OPN5: variants seen among roughly 807,000 people sequenced by gnomAD.
OPN5 encodes opsin-5.
Under a neutral mutation model 41.7 loss-of-function variants are expected in OPN5, and 18 were observed. That is an observed-to-expected ratio of 0.43 (90% CI 0.30 to 0.64). The LOEUF (loss-of-function observed/expected upper bound fraction) is 0.64. Among genes scored for constraint, OPN5 ranks in the 30% least tolerant of loss-of-function variants. OPN5 has a pLI of 0.13. For synonymous variants in OPN5, 178 were observed against 164.3 expected (o/e 1.08, Z -0.64); for missense variants, 318 against 434.5 (o/e 0.73, Z 2.38).
At chr6:47,812,869 A>G (rs1762295648) in intron 6 of OPN5, among the ~76,000 whole-genome samples, 2 of 152,144 alleles carry the variant, frequency 1.3e-5, no homozygotes, top group Non-Finnish European at 2.9e-5. Context: ...CACACCATTG[A>G]TAATCTCTCC....
intron 2 of OPN5, among the ~76,000 whole-genome samples, chr6:47,789,088 C>T (rs1210223734): frequency 6.6e-6 from 1 of 152,076 alleles, no homozygotes; most frequent in East Asian, 1.9e-4. Flanking sequence ...CCAGGCACAA[C>T]AGATGTAATC....
chr6:47,800,125 T>C (rs1458140902), intron 4 of OPN5, among the ~76,000 whole-genome samples: 1 of 152,188 alleles, frequency 6.6e-6, no homozygotes, highest in Non-Finnish European at 1.5e-5. Context: ...ATAAGGGGAA[T>C]GGTAGAGTCA....
chr6:47,786,356 G>C (rs1773191585), intron 1 of OPN5, among the ~76,000 whole-genome samples, 159 bp from the exon 2 acceptor site: 1 of 152,110 alleles, frequency 6.6e-6, no homozygotes, highest in Admixed American at 6.6e-5. Flanking sequence ...CACAACTCAT[G>C]CTTTTTATTT....
intron 4 of OPN5, among the ~76,000 whole-genome samples, chr6:47,804,209 A>G (rs1381316930): frequency 6.6e-6 from 1 of 152,156 alleles, no homozygotes; most frequent in Non-Finnish European, 1.5e-5. Context: ...GAAGCTAAAC[A>G]TGTACCCTGT....
chr6:47,809,775 T>C (rs1051288862), intron 5 of OPN5, among the ~76,000 whole-genome samples: 1 of 152,236 alleles, frequency 6.6e-6, no homozygotes, highest in African/African-American at 2.4e-5. Flanking sequence ...AAAAAGCATC[T>C]CTTTCTGAAG....
intron 4 of OPN5, among the ~76,000 whole-genome samples, chr6:47,795,774 TCTCTCACACACA>T (rs1773542191): frequency 1.8e-5 from 2 of 109,738 alleles, no homozygotes; most frequent in Admixed American, 1.2e-4. Flanking sequence ...TCTCTCTCTC[TCTCTCACACACA>T]CACACACACA....
intron 2 of OPN5, 118 bp downstream of exon 2, chr6:47,786,752 C>T (rs1037400689): frequency 1.3e-5 from 11 of 860,086 alleles, no homozygotes; most frequent in South Asian, 2.0e-5. Context: ...TTCCACTCTT[C>T]GCTTCACAAA....
intron 6 of OPN5, among the ~76,000 whole-genome samples, chr6:47,814,432 G>GA (rs1014394857): frequency 1.3e-5 from 2 of 151,788 alleles, no homozygotes; most frequent in African/African-American, 4.8e-5. Context: ...TAGTGAAAAG[G>GA]AAAAAAAGAG....
At chr6:47,798,101 A>G (rs899726782) in intron 4 of OPN5, among the ~76,000 whole-genome samples, 44 of 152,238 alleles carry the variant, frequency 2.9e-4, no homozygotes, top group African/African-American at 1.1e-3. Context: ...TAATTTTGTT[A>G]TGTATATTCT....
At chr6:47,820,262 C>T (rs1216348880) in intron 6 of OPN5, among the ~76,000 whole-genome samples, 1 of 152,072 alleles carries the variant, frequency 6.6e-6, no homozygotes, top group Non-Finnish European at 1.5e-5. Context: ...TTTTAACAGC[C>T]TTAGGGGTTA....
At chr6:47,782,430 C>G (rs900495876) in intron 1 of OPN5, among the ~76,000 whole-genome samples, 6 of 152,138 alleles carry the variant, frequency 3.9e-5, no homozygotes, top group African/African-American at 1.2e-4. Flanking sequence ...AGAACTCTTA[C>G]AGCAAAATTA....
intron 2 of OPN5, among the ~76,000 whole-genome samples, chr6:47,791,414 A>C (rs1018320556): frequency 1.3e-5 from 2 of 152,196 alleles, no homozygotes; most frequent in Non-Finnish European, 2.9e-5. Flanking sequence ...CCTTTCTCTA[A>C]GCCTTCGAAT....
At chr6:47,811,607 T>C (rs1313918741) in intron 5 of OPN5, 67 bp from the exon 6 acceptor site, 3 of 963,028 alleles carry the variant, frequency 3.1e-6, no homozygotes, top group Non-Finnish European at 5.0e-6. Context: ...TGTATGTATA[T>C]GTACATATGT....
intron 5 of OPN5, among the ~76,000 whole-genome samples, chr6:47,810,963 T>C (rs1774174476): frequency 6.6e-6 from 1 of 152,180 alleles, no homozygotes; most frequent in South Asian, 2.1e-4. Context: ...GCTTCCGTTG[T>C]TTAATTGTTT....
chr6:47,782,035 G>T, upstream of OPN5: 2 of 1,604,746 alleles, frequency 1.2e-6, no homozygotes, highest in East Asian at 4.5e-5. Context: ...CTACTGGTTT[G>T]CTTTTCAGAT....
At chr6:47,786,450 G>A in intron 1 of OPN5, 65 bp from the exon 2 acceptor site, 2 of 1,428,056 alleles carry the variant, frequency 1.4e-6, no homozygotes, top group Non-Finnish European at 9.8e-7. Context: ...GTTGAGAAGT[G>A]TTTCATATCT....
chr6:47,814,008 TA>T (rs1762350800), intron 6 of OPN5, among the ~76,000 whole-genome samples: 1 of 152,114 alleles, frequency 6.6e-6, no homozygotes, highest in African/African-American at 2.4e-5. Flanking sequence ...AAAAATAATC[TA>T]AAGTCATACT....
At chr6:47,804,743 A>G (rs1395337769) in intron 4 of OPN5, among the ~76,000 whole-genome samples, 1 of 152,156 alleles carries the variant, frequency 6.6e-6, no homozygotes, top group Non-Finnish European at 1.5e-5. Flanking sequence ...TTCAATTTAA[A>G]GTATTTAGAT....
At chr6:47,812,073 T>G (rs1466528882) in intron 6 of OPN5, among the ~76,000 whole-genome samples, 2 of 152,212 alleles carry the variant, frequency 1.3e-5, no homozygotes, top group African/African-American at 4.8e-5. Flanking sequence ...TATTACATCA[T>G]TGTCATTATT....
Sources: allele counts gnomAD v4.1 joint callset (sites outside exome capture counted in the v4.1 genomes callset), GRCh38; gene constraint gnomAD v4.1.1; transcripts MANE v1.5; gene names NCBI Gene and HGNC (gene_info 2026-07-23, HGNC 2026-07-21).